The following TMEM8B variants were observed in gnomAD, a reference collection of about 807,000 sequenced individuals.
TMEM8B encodes transmembrane protein 8B, also known as nasopharyngeal carcinoma expressed 6.
In TMEM8B, 29 loss-of-function variants were observed where a neutral mutation model predicts 49.3. The observed-to-expected ratio is 0.59, with a 90% CI of 0.44 to 0.80. TMEM8B has a LOEUF of 0.80. Ranked by LOEUF, TMEM8B falls within the 30% of genes least tolerant of loss-of-function variation. TMEM8B has a pLI of 0.00. For missense variants in TMEM8B, 575 were observed against 658.5 expected (o/e 0.87, Z 1.39); for synonymous variants, 264 against 272.8 (o/e 0.97, Z 0.32).
chr9:35,835,985 C>G (rs1401715515), intron 3 of TMEM8B, among the ~76,000 whole-genome samples: 2 of 152,198 alleles, frequency 1.3e-5, no homozygotes, highest in African/African-American at 2.4e-5. Flanking sequence ...AGGGGGTGTG[C>G]TGAGCTGGCT....
chr9:35,851,396 C>T (rs1185794732), intron 10 of TMEM8B, among the ~76,000 whole-genome samples: 6 of 152,350 alleles, frequency 3.9e-5, no homozygotes, highest in Admixed American at 6.5e-5. Context: ...CTGCCCACCT[C>T]ATCCTCCCAA....
intron 10 of TMEM8B, among the ~76,000 whole-genome samples, 154 bp from the exon 11 acceptor site, chr9:35,852,673 T>C (rs12346647): frequency 0.19 from 28,133 of 151,996 alleles, 2,855 homozygotes; most frequent in East Asian, 0.37. Flanking sequence ...TTCTCAGGAT[T>C]TGGGGAGTCA....
intron 1 of TMEM8B, 68 bp from the exon 2 acceptor site, chr9:35,834,393 C>G (rs1314943257): frequency 2.5e-6 from 1 of 405,766 alleles, no homozygotes; most frequent in Admixed American, 4.4e-5. Context: ...GGAAGACTGG[C>G]ATGCCTGTTG....
rs540499025 is a variant in TMEM8B at position 35,841,562 on chromosome 9, A to C, written c.1077A>C (p.Ala359=). Residue 359 remains alanine, a synonymous_variant, in exon 5 of 13, where the codon GCA becomes GCC. Coordinates refer to ENST00000643932, the MANE Select transcript of TMEM8B (RefSeq NM_001042590.4). The surrounding 1 kb of genome is among the most constrained non-coding windows in gnomAD (Gnocchi z 5.9). The stretch of plus-strand genomic sequence containing the variant: ...CCAGCTTCACTTACAGGGTTTCAGC[A>C]CAGCTGGTGTGTGTGGGGGGCCGTG... ...FVPSFTYRVS[A]QLVCVGGRGV... is the part of the protein sequence containing the mutation. 575 of 416,790 alleles carry C rather than the reference A, an allele frequency of 1.4e-3. 5 individuals carry two copies. The highest frequency in any genetic ancestry group is 6.9e-4 in the Non-Finnish European group (156 of 227,098). 25.8% of individuals were successfully genotyped at this position (416,790 alleles called of 1,614,324 possible). A position where few individuals can be genotyped will look rare whatever the true frequency, so the allele number is the denominator to read the frequency against.
At position 35,857,282 on chromosome 9, in the gene TMEM8B, G is replaced by A. The variant is rs569530693; in HGVS notation, c.*3442G>A. The stretch of plus-strand genomic sequence containing the variant: ...AATCCTGCCCTGAAGGAGCTCACAC[G>A]GTGGTGAAGTGTCATGAATGCAAGT... On this transcript the variant is annotated 3_prime_UTR_variant, in exon 13 of 13. Transcript: ENST00000643932. 222 of 152,352 alleles carry A rather than the reference G, an allele frequency of 1.5e-3. No homozygotes were observed. The highest frequency in any genetic ancestry group is 2.3e-3 in the Admixed American group (35 of 15,302). 9.4% of individuals were successfully genotyped at this position (152,352 alleles called of 1,614,324 possible).
chr9:35,835,419 C>T (rs934509037), intron 3 of TMEM8B: 1 of 392,670 alleles, frequency 2.5e-6, no homozygotes, highest in Non-Finnish European at 4.5e-6. Flanking sequence ...CTTGGCAGCC[C>T]CAGGAGGACA....
Position 35,852,829 on chromosome 9 carries a change from C to T in TMEM8B, c.2178C>T (p.Phe726=), listed in dbSNP as rs78144170. The T allele has an allele frequency of 4.9e-3, 7,922 of 1,614,166 alleles. 40 individuals carry two copies. The highest frequency in any genetic ancestry group is 4.7e-3 in the Non-Finnish European group (5,605 of 1,180,022). Residue 726 remains phenylalanine, a splice_region_variant and synonymous_variant, in exon 11 of 13, where the codon TTC becomes TTT. Coordinates refer to ENST00000643932, the MANE Select transcript of TMEM8B (RefSeq NM_001042590.4). The part of the protein sequence containing the change: ...VYTFTMFFST[F]YHACDQPGIV... ...ATGCCTGTCATTTCTTCCTTCAGTT[C>T]TATCATGCCTGTGACCAGCCAGGCA... is the stretch of plus-strand genomic sequence containing the variant.
intron 10 of TMEM8B, among the ~76,000 whole-genome samples, chr9:35,852,160 C>T (rs755623601): frequency 1.3e-5 from 2 of 152,208 alleles, no homozygotes; most frequent in Admixed American, 6.5e-5. Flanking sequence ...CTCCCTGCAT[C>T]CCCTTTGAAC....
Position 35,841,096 on chromosome 9 carries a change from T to C in TMEM8B, c.907-38T>C. On this transcript the variant is annotated intron_variant, in intron 3 of 12. Transcript: ENST00000643932. The surrounding 1 kb of genome is among the most constrained non-coding windows in gnomAD (Gnocchi z 5.9). ...TGCCTTGGTTTAGTCACACCCCTGC[T>C]GTCTCTCCCTCTCCTGCCACCCCTG... is the stretch of plus-strand genomic sequence containing the variant. 2.4e-6 allele frequency: 1 copy of C among 415,366 alleles called. No individual in the cohort carries two copies. Among genetic ancestry groups the C allele is most frequent in the East Asian group, 3.6e-5 (1 of 28,074 alleles). The allele number at this position is 415,366 out of a possible 1,614,324, so 25.7% of individuals were successfully genotyped here.
At position 35,858,111 on chromosome 9, in the gene TMEM8B, T is replaced by TC. The variant is rs917836601; in HGVS notation, c.*4271_*4272insC. 4.7e-5 allele frequency: 7 copies of TC among 150,478 alleles called. No individual in the cohort carries two copies. The highest frequency in any genetic ancestry group is 6.6e-5 in the Admixed American group (1 of 15,060). The allele number at this position is 150,478 out of a possible 1,614,324, so 9.3% of individuals were successfully genotyped here. A position where few individuals can be genotyped will look rare whatever the true frequency, so the allele number is the denominator to read the frequency against. On this transcript the variant is annotated 3_prime_UTR_variant, in exon 13 of 13. Transcript: ENST00000643932. ...GTTCCATTTTTTTTCTTTCTTTCTT[T>TC]TTTTTTTTTTTGAGACGGAGTCTCA...
chr9:35,829,764 C>G lies in TMEM8B; in HGVS notation c.317C>G (p.Pro106Arg). The G allele has an allele frequency of 2.4e-6, 1 of 415,414 alleles. No individual in the cohort carries two copies. The highest frequency in any genetic ancestry group is 4.4e-6 in the Non-Finnish European group (1 of 227,664). 25.7% of individuals were successfully genotyped at this position (415,414 alleles called of 1,614,324 possible). A position where few individuals can be genotyped will look rare whatever the true frequency, so the allele number is the denominator to read the frequency against. ...TCCCACTCCCTGCCCTTGTTCAAGC[C>G]CCAGTGTCCAGCCCAGCCCAACCCA... The part of the protein sequence containing the change: ...LPSHSLPLFK[P>R]QCPAQPNPLS... The change falls in exon 1 of 13, where the codon CCC becomes CGC. Residue 106 changes from proline (P) to arginine (R), a missense_variant. By Grantham distance (103) the Pro-to-Arg change is moderately radical. Transcript: ENST00000643932.
At chr9:35,851,471 A>G (rs1832129162) in intron 10 of TMEM8B, among the ~76,000 whole-genome samples, 2 of 152,218 alleles carry the variant, frequency 1.3e-5, no homozygotes, top group South Asian at 2.1e-4. Context: ...TAATGTTGAT[A>G]TGGACCTACA....
chr9:35,836,889 C>G (rs1435247251), intron 3 of TMEM8B, among the ~76,000 whole-genome samples: 1 of 152,170 alleles, frequency 6.6e-6, no homozygotes, highest in Non-Finnish European at 1.5e-5. Flanking sequence ...TGTAGTGCTT[C>G]CATCAGCCCT....
At position 35,853,507 on chromosome 9, in the gene TMEM8B, A is replaced by G. The variant is rs1296514543; in HGVS notation, c.2442A>G (p.Thr814=). 1 of 1,611,156 alleles carries G rather than the reference A, an allele frequency of 6.2e-7. No homozygotes were observed. Residue 814 remains threonine, a splice_region_variant and synonymous_variant, in exon 13 of 13, where the codon ACA becomes ACG. Transcript: ENST00000643932. This position sits in a 1 kb window ranked among gnomAD's most constrained non-coding sequence, Gnocchi z 4.2. ...FALGILATAW[T]VRSVRRRHCY... is the part of the protein sequence containing the mutation. Reference sequence around the variant, plus strand: ...CCCCACTTCTCTGTCTCCCCCAGACAGTACGCAGCGTCCGCCGCCGGCACT... The same window carrying G: ...CCCCACTTCTCTGTCTCCCCCAGACGGTACGCAGCGTCCGCCGCCGGCACT...
rs1030771341 is a variant in TMEM8B at position 35,853,669 on chromosome 9, C to T, written c.2604C>T (p.Leu868=). The T allele has an allele frequency of 2.5e-6, 4 of 1,614,206 alleles. No individual in the cohort carries two copies. The highest frequency in any genetic ancestry group is 3.4e-6 in the Non-Finnish European group (4 of 1,180,030). The change falls in exon 13 of 13, where the codon CTC becomes CTT. Residue 868 remains leucine, a synonymous_variant. Transcript: ENST00000643932. This position sits in a 1 kb window ranked among gnomAD's most constrained non-coding sequence, Gnocchi z 4.2. ...ACATTCACAGCATTTGGCATATGCT[C>T]ATTGCGGGCAGTGTGGGCTTCCTGC... ...YFYIHSIWHM[L]IAGSVGFLLP... is the part of the protein sequence containing the mutation.
chr9:35,846,609 C>A lies in TMEM8B; in HGVS notation c.1994C>A (p.Ala665Asp). ...NYLYAACECK[A>D]GWRGWGCTDS... is the part of the protein sequence containing the mutation. ...CTGTACGCAGCCTGCGAGTGCAAGG[C>A]CGGTGAGCAGGCTGGCGAGGGAGCG... is the stretch of plus-strand genomic sequence containing the variant. Residue 665 changes from alanine to aspartate, a missense_variant and splice_region_variant, in exon 9 of 13, where the codon GCC becomes GAC. Physicochemically the swap from Ala to Asp is moderately radical, Grantham distance 126 (BLOSUM62 -2). Transcript: ENST00000643932. The A allele has an allele frequency of 6.4e-7, 1 of 1,573,782 alleles. No homozygotes were observed. The highest frequency in any genetic ancestry group is 1.9e-5 in the Admixed American group (1 of 53,374).
chr9:35,851,968 A>G (rs889682437), intron 10 of TMEM8B, among the ~76,000 whole-genome samples: 3 of 152,204 alleles, frequency 2.0e-5, no homozygotes, highest in African/African-American at 4.8e-5. Context: ...CTCTGCCACT[A>G]AAGAGTTATG....
Position 35,829,353 on chromosome 9 carries a change from C to T in TMEM8B, c.-95C>T, listed in dbSNP as rs1829594449. On this transcript the variant is annotated 5_prime_UTR_variant, in exon 1 of 13. Coordinates refer to ENST00000643932, the MANE Select transcript of TMEM8B (RefSeq NM_001042590.4). ...CCCCCGCCCCGGGCCCGCGAGGACA[C>T]CGGAGGCCACCCCCCGGGGGTGGGG... 2 of 377,688 alleles carry T rather than the reference C, an allele frequency of 5.3e-6. No homozygotes were observed. The highest frequency in any genetic ancestry group is 9.4e-6 in the Non-Finnish European group (2 of 212,606). 23.4% of individuals were successfully genotyped at this position (377,688 alleles called of 1,614,324 possible).
At chr9:35,848,342 A>G (rs1359173788) in intron 10 of TMEM8B, among the ~76,000 whole-genome samples, 2 of 152,220 alleles carry the variant, frequency 1.3e-5, no homozygotes, top group Non-Finnish European at 2.9e-5. Flanking sequence ...TCGTATTGCC[A>G]GATGCCCTTT....
Sources: allele counts gnomAD v4.1 joint callset (sites outside exome capture counted in the v4.1 genomes callset), GRCh38; gene constraint gnomAD v4.1.1; non-coding constraint Gnocchi (gnomAD v3.1); transcripts MANE v1.5; gene names NCBI Gene and HGNC (gene_info 2026-07-23, HGNC 2026-07-21).